TMC7: variants seen among roughly 807,000 people sequenced by gnomAD.
TMC7 encodes transmembrane channel-like protein 7.
TMC7 carries 54 observed loss-of-function variants against 82.9 expected under a neutral mutation model. The observed-to-expected ratio is 0.65, with a 90% CI of 0.52 to 0.82. TMC7 has a LOEUF of 0.82. TMC7 is among the 40% of genes least tolerant of loss of function. The pLI, the probability that TMC7 is intolerant of heterozygous loss-of-function variation, is 0.00. For synonymous variants in TMC7, 350 were observed against 337.9 expected (o/e 1.04, Z -0.39); for missense variants, 820 against 901.2 (o/e 0.91, Z 1.15).
At chr16:18,988,374 C>T (rs1210197703) in intron 1 of TMC7, among the ~76,000 whole-genome samples, 2 of 151,758 alleles carry the variant, frequency 1.3e-5, no homozygotes, top group African/African-American at 2.4e-5. Context: ...AGGCTGGTCT[C>T]GAACTCCTGA....
In TMC7 at chr16:19,010,877, A is replaced by G. The variant is rs1008810700; in HGVS notation, c.311+1462A>G. ...GATAGCTCGGGTTTGTTTGCATGGC[A>G]ACAGCTGGAGCCCAAGAGAGGATCG... On this transcript the variant is annotated intron_variant, in intron 2 of 15. Coordinates refer to ENST00000304381, the MANE Select transcript of TMC7 (RefSeq NM_024847.4). Among the ~76,000 whole-genome samples, 3 of 152,126 alleles carry G rather than the reference A, an allele frequency of 2.0e-5. 1 individual carries two copies. In the South Asian group the frequency reaches 6.2e-4, roughly 32 times the overall value.
chr16:19,049,586 A>G (rs1053037548), intron 12 of TMC7: 7 of 981,560 alleles, frequency 7.1e-6, no homozygotes, highest in African/African-American at 1.7e-5. Flanking sequence ...GAAAGCTCAC[A>G]GGAACTTTTT....
intron 12 of TMC7, among the ~76,000 whole-genome samples, chr16:19,048,601 A>T (rs981268682): frequency 2.0e-5 from 3 of 151,564 alleles, no homozygotes; most frequent in African/African-American, 7.3e-5. Flanking sequence ...TTGTATTTTT[A>T]TTAGAGAGAG....
intron 12 of TMC7, chr16:19,049,715 A>C (rs972420271): frequency 2.1e-6 from 2 of 961,642 alleles, no homozygotes; most frequent in Non-Finnish European, 1.2e-6. Context: ...CGTCACTCAC[A>C]CCAGGCATGT....
intron 3 of TMC7, among the ~76,000 whole-genome samples, chr16:19,020,893 A>AAAT (rs1567513347): frequency 3.8e-4 from 44 of 114,788 alleles, no homozygotes; most frequent in South Asian, 1.8e-3. Context: ...AATAAATAAA[A>AAAT]GCCAGATATC....
intron 1 of TMC7, among the ~76,000 whole-genome samples, chr16:19,002,642 C>T (rs2039162319): frequency 6.6e-6 from 1 of 152,182 alleles, no homozygotes; most frequent in Non-Finnish European, 1.5e-5. Flanking sequence ...CTATGCCTGG[C>T]CCTGCTCCCT....
chr16:19,050,402 A>G (rs370846249), intron 12 of TMC7, among the ~76,000 whole-genome samples: 2,370 of 151,246 alleles, frequency 0.016, 66 homozygotes, highest in African/African-American at 0.054. Context: ...ACCAAAAAAA[A>G]CAAAAAACTT....
intron 5 of TMC7, 58 bp downstream of exon 5, chr16:19,023,253 T>A (rs1960069184): frequency 1.6e-6 from 2 of 1,215,520 alleles, no homozygotes; most frequent in Non-Finnish European, 2.3e-6. Context: ...ATTGATTGAT[T>A]TAAAGATCAG....
In TMC7 at chr16:19,021,796, G is replaced by C. The variant is rs768514727; in HGVS notation, c.628G>C (p.Asp210His). 2 of 1,613,862 alleles carry C rather than the reference G, an allele frequency of 1.2e-6. No individual in the cohort carries two copies. The highest frequency in any genetic ancestry group is 1.7e-6 in the Non-Finnish European group (2 of 1,179,990). The part of the protein sequence containing the change: ...SFVLIPFKDM[D>H]KQCTVYPVSS... Reference sequence around the variant, plus strand: ...CGTGCTCATTCCTTTCAAAGACATGGGTGAGTGTAAGGCCTGGTTTACTAC... The same window carrying C: ...CGTGCTCATTCCTTTCAAAGACATGCGTGAGTGTAAGGCCTGGTTTACTAC... The change falls in exon 4 of 16, where the codon GAT becomes CAT. Residue 210 changes from aspartate to histidine, a missense_variant and splice_region_variant. Around this residue, in one of 2 missense-constraint regions of TMC7, gnomAD observed 650 missense variants for 669.9 expected, o/e 0.97. Transcript: ENST00000304381.
At chr16:19,011,339 C>T (rs1959327028) in intron 2 of TMC7, among the ~76,000 whole-genome samples, 1 of 151,908 alleles carries the variant, frequency 6.6e-6, no homozygotes, top group Admixed American at 6.6e-5. Flanking sequence ...CTGCTTAACT[C>T]TCGAATTACT....
At chr16:18,994,837 T>A (rs2039012956) in intron 1 of TMC7, among the ~76,000 whole-genome samples, 1 of 152,190 alleles carries the variant, frequency 6.6e-6, no homozygotes, top group South Asian at 2.1e-4. Context: ...AGGCAAGTGA[T>A]AACAGGCTTT....
At position 19,038,083 on chromosome 16, in the gene TMC7, T is replaced by C. The variant is rs141219859; in HGVS notation, c.1179+36T>C. The stretch of plus-strand genomic sequence containing the variant: ...TTGTACTCTGGCTGGACATTATGCC[T>C]AGTGCACTGAAAATCTGTGAGGTAG... On this transcript the variant is annotated intron_variant, in intron 8 of 15. Coordinates refer to ENST00000304381, the MANE Select transcript of TMC7 (RefSeq NM_024847.4). 31 of 1,583,694 alleles carry C rather than the reference T, an allele frequency of 2.0e-5. No individual in the cohort carries two copies. The African/African-American group carries it at 3.6e-4, about 19-fold the overall frequency.
At chr16:18,988,076 C>A (rs1266372325) in intron 1 of TMC7, among the ~76,000 whole-genome samples, 1 of 152,118 alleles carries the variant, frequency 6.6e-6, no homozygotes, top group Non-Finnish European at 1.5e-5. Context: ...TTGATTGATC[C>A]TCCTGCCTTG....
intron 6 of TMC7, among the ~76,000 whole-genome samples, chr16:19,034,511 T>A (rs1046008013): frequency 6.6e-6 from 1 of 150,818 alleles, no homozygotes; most frequent in Non-Finnish European, 1.5e-5. Context: ...GGCAGGAGAA[T>A]CGCTTGAACC....
At chr16:18,985,285 G>T (rs1198957901) in intron 1 of TMC7, among the ~76,000 whole-genome samples, 2 of 150,744 alleles carry the variant, frequency 1.3e-5, no homozygotes, top group East Asian at 3.9e-4. Flanking sequence ...CAAGGATATA[G>T]AATAAAACAT....
At chr16:19,044,845 G>C (rs567006498) in intron 9 of TMC7, 39 bp from the exon 10 acceptor site, 1 of 1,492,084 alleles carries the variant, frequency 6.7e-7, no homozygotes, top group East Asian at 2.3e-5. Flanking sequence ...CCACCCTGAG[G>C]GCCTCATCTT....
chr16:18,991,459 C>A (rs2038949693), intron 1 of TMC7, among the ~76,000 whole-genome samples: 1 of 152,104 alleles, frequency 6.6e-6, no homozygotes, highest in African/African-American at 2.4e-5. Flanking sequence ...TAGGTAAAAA[C>A]AACACTCTGC....
chr16:19,035,311 C>T (rs550503615), intron 6 of TMC7, among the ~76,000 whole-genome samples: 106 of 152,256 alleles, frequency 7.0e-4, no homozygotes, highest in African/African-American at 2.5e-3. Flanking sequence ...GATTGAAGAA[C>T]TATTGGATAC....
intron 1 of TMC7, among the ~76,000 whole-genome samples, chr16:18,989,495 T>A (rs939743918): frequency 4.0e-5 from 6 of 149,686 alleles, no homozygotes; most frequent in Non-Finnish European, 6.0e-5. Flanking sequence ...CAATCTGGTT[T>A]CCTTTTAAAG....
Sources: allele counts gnomAD v4.1 joint callset (sites outside exome capture counted in the v4.1 genomes callset), GRCh38; gene constraint gnomAD v4.1.1; regional missense constraint gnomAD v4.1.1; transcripts MANE v1.5; gene names NCBI Gene and HGNC (gene_info 2026-07-23, HGNC 2026-07-21).